The following DMD variants were observed in gnomAD, a reference collection of about 807,000 sequenced individuals.
DMD encodes the protein mutant dystrophin.
DMD carries 63 observed loss-of-function variants against 330.1 expected under a neutral mutation model. The ratio of observed to expected loss-of-function variants is 0.19; its 90% CI spans 0.16 to 0.24. The LOEUF (loss-of-function observed/expected upper bound fraction) is 0.24. DMD is among the 10% of genes least tolerant of loss of function. The probability of loss-of-function intolerance (pLI) is 1.00; values close to 1 mark genes in which losing one functional copy is unlikely to be tolerated. For synonymous variants in DMD, 1,223 were observed against 959.8 expected, an observed-to-expected ratio of 1.27 and a Z score of -5.07; for missense variants, 3,344 against 2,684.1, an observed-to-expected ratio of 1.25 and a Z score of -5.43.
chrX:32,274,348 A>G (rs1375193115), intron 43 of DMD, among the ~76,000 whole-genome samples: 1 of 112,012 alleles, frequency 8.9e-6, no homozygotes, highest in Non-Finnish European at 1.9e-5. Flanking sequence ...ATCTATGGCT[A>G]ACTCTGAGAT....
chrX:31,835,849 G>C (rs1375274509), intron 49 of DMD, among the ~76,000 whole-genome samples: 1 of 111,604 alleles, frequency 9.0e-6, no homozygotes, highest in Non-Finnish European at 1.9e-5. Context: ...TTTTAAACAT[G>C]AGGACGAGGT....
rs1384045313 is a variant in DMD, at chrX:32,428,809, A to G, written c.4071+9432T>C. Among the ~76,000 whole-genome samples the G allele has an allele frequency of 2.7e-5, 3 of 111,251 alleles. No homozygotes were observed. The Admixed American group carries it at 2.9e-4, about 11-fold the overall frequency. On this transcript the variant is annotated intron_variant, in intron 29 of 78. Transcript: ENST00000357033. ...GTATTTTTAGCAGAGACGGGGTTTC[A>G]CCATGCTGCCCAGATTGGTCTCGAA...
chrX:32,518,115 T>C lies in DMD; in HGVS notation c.2185A>G (p.Thr729Ala). ...EIRKRLDVDITELHSWITRSE... is the reference protein window; with the variant it reads ...EIRKRLDVDIAELHSWITRSE... The stretch of plus-strand genomic sequence containing the variant: ...CGAGTAATCCAGCTGTGAAGTTCAG[T>C]TATATCAACATCCAACCTAAGACAG... Residue 729 changes from threonine (T) to alanine (A), a missense_variant, in exon 18 of 79, where the codon ACT becomes GCT. Physicochemically the swap from Thr to Ala is moderately conservative, Grantham distance 58 (BLOSUM62 0). Transcript: ENST00000357033. 1.7e-6 allele frequency: 2 copies of C among 1,209,859 alleles called. No individual in the cohort carries two copies. Among genetic ancestry groups the C allele is most frequent in the Non-Finnish European group, 2.2e-6 (2 of 893,789 alleles).
chrX:32,335,789 A>T (rs1236575799), intron 41 of DMD, among the ~76,000 whole-genome samples: 1 of 103,105 alleles, frequency 9.7e-6, no homozygotes, highest in African/African-American at 3.5e-5. Context: ...TATGTATAAC[A>T]TGTTATATAT....
chrX:32,316,663 G>T (rs2097583441), intron 41 of DMD, among the ~76,000 whole-genome samples: 1 of 111,044 alleles, frequency 9.0e-6, no homozygotes. Flanking sequence ...AAAATTCCGT[G>T]TTATTAAGTT....
At chrX:32,442,346 G>A (rs1263910919) in intron 27 of DMD, among the ~76,000 whole-genome samples, 1 of 110,513 alleles carries the variant, frequency 9.0e-6, no homozygotes, top group Non-Finnish European at 1.9e-5. Flanking sequence ...AATCGATAAT[G>A]AAAAGAAAAC....
intron 57 of DMD, among the ~76,000 whole-genome samples, chrX:31,482,220 T>G (rs1313219713): frequency 1.3e-5 from 1 of 74,282 alleles, no homozygotes; most frequent in African/African-American, 7.6e-5. Context: ...AACATGATGG[T>G]GTGTGTGTGT....
At chrX:32,328,399 A>G (rs538140485) in intron 41 of DMD, among the ~76,000 whole-genome samples, 55 of 111,798 alleles carry the variant, frequency 4.9e-4, no homozygotes, top group African/African-American at 1.8e-3. Flanking sequence ...AAATGTCGTG[A>G]TACCCTAATT....
chrX:32,387,496 G>A (rs765367672), intron 32 of DMD, among the ~76,000 whole-genome samples: 1 of 110,693 alleles, frequency 9.0e-6, no homozygotes, highest in Non-Finnish European at 1.9e-5. Flanking sequence ...TGTTTTTATG[G>A]AATTAGAACA....
intron 47 of DMD, among the ~76,000 whole-genome samples, chrX:31,903,439 A>C (rs892339040): frequency 8.9e-6 from 1 of 111,904 alleles, no homozygotes; most frequent in Non-Finnish European, 1.9e-5. Flanking sequence ...TCAGTCTCTT[A>C]TTGTTTCTTC....
intron 51 of DMD, among the ~76,000 whole-genome samples, chrX:31,742,886 T>C (rs1390018952): frequency 1.8e-5 from 2 of 111,890 alleles, no homozygotes; most frequent in Non-Finnish European, 3.8e-5. Flanking sequence ...AGTGAAAGAA[T>C]TTATCAACAG....
intron 13 of DMD, among the ~76,000 whole-genome samples, chrX:32,581,664 T>A (rs978811147): frequency 2.7e-5 from 3 of 111,901 alleles, no homozygotes; most frequent in Admixed American, 1.9e-4. Context: ...TACATAAAAA[T>A]TTAATTTTAA....
chrX:32,206,579 G>T, intron 44 of DMD: 1 of 684,921 alleles, frequency 1.5e-6, no homozygotes. Context: ...AAAGGACCTA[G>T]TTCTGTAGAA....
At chrX:31,505,585 TA>T (rs1283041654) in intron 56 of DMD, among the ~76,000 whole-genome samples, 4 of 111,421 alleles carry the variant, frequency 3.6e-5, no homozygotes, top group African/African-American at 1.3e-4. Flanking sequence ...ATATGGTGGT[TA>T]AAAGTTCAGA....
chrX:32,712,835 G>A (rs2065316910), intron 7 of DMD, among the ~76,000 whole-genome samples: 1 of 111,165 alleles, frequency 9.0e-6, no homozygotes, highest in Non-Finnish European at 1.9e-5. Flanking sequence ...CAGCCTCTAG[G>A]TTTTATATCA....
chrX:33,163,628 C>CTATG (rs1557282397), intron 1 of DMD, among the ~76,000 whole-genome samples: 3 of 100,067 alleles, frequency 3.0e-5, no homozygotes, highest in South Asian at 4.6e-4. Context: ...CTCTATCTAT[C>CTATG]TATCTATCTA....
At chrX:32,773,794 A>G (rs936821053) in intron 7 of DMD, among the ~76,000 whole-genome samples, 4 of 111,250 alleles carry the variant, frequency 3.6e-5, no homozygotes, top group South Asian at 3.7e-4. Flanking sequence ...TTTCAATACT[A>G]TATTTTCTGA....
At chrX:33,322,886 A>G (rs1235527930) in intron 1 of DMD, among the ~76,000 whole-genome samples, 1 of 111,647 alleles carries the variant, frequency 9.0e-6, no homozygotes, top group Non-Finnish European at 1.9e-5. Flanking sequence ...TGATGAGATT[A>G]TCATCTCTAA....
At chrX:32,477,906 T>C (rs772158852) in intron 21 of DMD, among the ~76,000 whole-genome samples, 5 of 111,636 alleles carry the variant, frequency 4.5e-5, no homozygotes, top group Non-Finnish European at 9.4e-5. Flanking sequence ...ATGTTTTGTA[T>C]ATATAAAGAC....
Sources: gnomAD v4.1 joint callset for allele counts (sites outside exome capture counted in the v4.1 genomes callset) on GRCh38, gnomAD v4.1.1 for gene constraint, MANE v1.5 for transcripts, NCBI Gene and HGNC (gene_info 2026-07-23, HGNC 2026-07-21) for gene names.